The following MAPK7 variants were observed in gnomAD, a reference collection of about 807,000 sequenced individuals.
MAPK7 encodes mitogen-activated protein kinase 7, also known as BMK-1.
In MAPK7, 30 loss-of-function variants were observed where a neutral mutation model predicts 56.9. That is an observed-to-expected ratio of 0.53 (90% confidence interval 0.39 to 0.72). MAPK7 has a LOEUF of 0.72. MAPK7 is among the 30% of genes least tolerant of loss of function. The pLI is 0.00. For missense variants in MAPK7, 952 were observed against 1,110.8 expected, an observed-to-expected ratio of 0.86 and a Z score of 2.03; for synonymous variants, 516 against 449.3, an observed-to-expected ratio of 1.15 and a Z score of -1.88.
upstream of MAPK7, chr17:19,377,820 G>A (rs539491187): frequency 2.6e-4 from 258 of 984,772 alleles, 2 homozygotes; most frequent in African/African-American, 4.3e-3. Context: ...CCCAAAGCAC[G>A]GGAATCGCGG....
In MAPK7 at chr17:19,379,605, G is replaced by A. The variant is rs974354387; in HGVS notation, c.233-177G>A. On this transcript the variant is annotated intron_variant, in intron 2 of 6. Transcript: ENST00000395604. ...ACCTGCCCCGCAGGGGAGTTGTGAA[G>A]GTAACATTTAATAATGTAGGTAACA... is the stretch of plus-strand genomic sequence containing the variant. The A allele has an allele frequency of 1.8e-5, 11 of 615,614 alleles. No homozygotes were observed. In the East Asian group the frequency reaches 1.9e-4, roughly 11 times the overall value. The allele number at this position is 615,614 out of a possible 1,614,324, so 38.1% of individuals were successfully genotyped here.
intron 3 of MAPK7, 55 bp downstream of exon 3, chr17:19,380,002 A>G (rs190988800): frequency 2.2e-5 from 35 of 1,563,744 alleles, no homozygotes; most frequent in African/African-American, 9.5e-5. Flanking sequence ...GAAGGCTGCA[A>G]CCATGTTGCC....
chr17:19,377,947 C>T (rs8078382), upstream of MAPK7: 17,002 of 985,226 alleles, frequency 0.017, 2,241 homozygotes, highest in African/African-American at 0.27. Flanking sequence ...AGGGTTCGGC[C>T]GGACGCTCTA....
Position 19,382,130 on chromosome 17 carries a change from T to C in MAPK7, c.1827T>C (p.Pro609=). Residue 609 remains proline, a synonymous_variant, in exon 5 of 7, where the codon CCT becomes CCC. Transcript: ENST00000395604. ...AACCTACCAGTCCTCCTCCTGGCCC[T>C]GTAGCCCAGCCCACTGGCCCGCAAC... ...PVQPTSPPPG[P]VAQPTGPQPQ... 6.2e-7 allele frequency: 1 copy of C among 1,611,862 alleles called. No homozygotes were observed. Among genetic ancestry groups the C allele is most frequent in the South Asian group, 1.1e-5 (1 of 91,040 alleles).
At position 19,378,814 on chromosome 17, in the gene MAPK7, C is replaced by T. The variant is rs1912341833; in HGVS notation, c.-5-82C>T. 2 of 1,348,020 alleles carry T rather than the reference C, an allele frequency of 1.5e-6. No individual in the cohort carries two copies. The highest frequency in any genetic ancestry group is 1.0e-6 in the Non-Finnish European group (1 of 994,588). 83.5% of individuals were successfully genotyped at this position (1,348,020 alleles called of 1,614,324 possible). A position where few individuals can be genotyped will look rare whatever the true frequency, so the allele number is the denominator to read the frequency against. On this transcript the variant is annotated intron_variant, in intron 1 of 6. Transcript: ENST00000395604. The surrounding 1 kb of genome is among the most constrained non-coding windows in gnomAD (Gnocchi z 5.4). ...TGTCGGTTTAGGAAACTGGGAAGTT[C>T]CCTGGTCCTGCTCCCCAGCCCGCAG...
chr17:19,377,887 T>A, upstream of MAPK7: 1 of 985,220 alleles, frequency 1.0e-6, no homozygotes. Flanking sequence ...CGAGCTGCAG[T>A]CCAACTTGGC....
upstream of MAPK7, chr17:19,378,046 C>T: frequency 1.0e-6 from 1 of 985,370 alleles, no homozygotes; most frequent in Non-Finnish European, 1.2e-6. This position sits in a 1 kb window ranked among gnomAD's most constrained non-coding sequence, Gnocchi z 5.4. Context: ...TGGGACCAAG[C>T]AAATGGCGGA....
chr17:19,380,351 C>A, intron 3 of MAPK7: 1 of 886,162 alleles, frequency 1.1e-6, no homozygotes, highest in Non-Finnish European at 1.6e-6. Context: ...ATTGGCCAGC[C>A]CTGGTGTAGT....
Position 19,381,747 on chromosome 17 carries a change from C to A in MAPK7, c.1478-34C>A. 1 of 1,539,852 alleles carries A rather than the reference C, an allele frequency of 6.5e-7. No individual in the cohort carries two copies. The stretch of plus-strand genomic sequence containing the variant: ...ACTTGGACTTGGACAAGGCTTCAGG[C>A]TTTTACCTTCTCCCCTGCCCAACTT... On this transcript the variant is annotated intron_variant, in intron 4 of 6. Transcript: ENST00000395604. This position sits in a 1 kb window ranked among gnomAD's most constrained non-coding sequence, Gnocchi z 4.6.
At position 19,381,781 on chromosome 17, in the gene MAPK7, A is replaced by G; in HGVS notation, c.1478A>G (p.Asp493Gly). 1.3e-6 allele frequency: 2 copies of G among 1,539,450 alleles called. No homozygotes were observed. Among genetic ancestry groups the G allele is most frequent in the Non-Finnish European group, 1.7e-6 (2 of 1,146,250 alleles). ...LLKSLRSRLR[D>G]GPSAPLEAPE... ...TCTCCCCTGCCCAACTTCCCCGCAG[A>G]TGGCCCCAGCGCACCCCTGGAGGCT... is the stretch of plus-strand genomic sequence containing the variant. The change falls in exon 5 of 7, where the codon GAT (aspartate) becomes GGT (glycine). Residue 493 changes from aspartate to glycine, a missense_variant and splice_region_variant. By Grantham distance (94) the Asp-to-Gly change is moderately conservative. Around this residue, in one of 5 missense-constraint regions of MAPK7, gnomAD observed 429 missense variants for 533.0 expected, o/e 0.80. Coordinates refer to ENST00000395604, the MANE Select transcript of MAPK7 (RefSeq NM_002749.4). The surrounding 1 kb of genome is among the most constrained non-coding windows in gnomAD (Gnocchi z 4.6).
chr17:19,379,694 C>T (rs1373942263), intron 2 of MAPK7, 88 bp from the exon 3 acceptor site: 8 of 1,235,428 alleles, frequency 6.5e-6, no homozygotes, highest in South Asian at 1.4e-5. Flanking sequence ...TCATTTGCAT[C>T]CTAGAAGGGA....
In MAPK7 at chr17:19,379,819, C is replaced by T. The variant is rs947064407; in HGVS notation, c.270C>T (p.Phe90=). ...QVAIKKIPNA[F]DVVTNAKRTL... ...CCATCAAGAAGATCCCTAATGCTTT[C>T]GATGTGGTGACCAATGCCAAGCGGA... Residue 90 remains phenylalanine (F), a synonymous_variant, in exon 3 of 7, where the codon TTC becomes TTT. Coordinates refer to ENST00000395604, the MANE Select transcript of MAPK7 (RefSeq NM_002749.4). The T allele has an allele frequency of 6.2e-6, 10 of 1,614,118 alleles. No homozygotes were observed. The highest frequency in any genetic ancestry group is 2.7e-5 in the African/African-American group (2 of 74,952).
rs1449892033 is a variant in MAPK7, at chr17:19,380,614, G to T, written c.405G>T (p.Val135=). Residue 135 remains valine, a synonymous_variant, in exon 4 of 7, where the codon GTG becomes GTT. Transcript: ENST00000395604. ...TCCTTCCTTCCCCTTCCAGCTACGT[G>T]GTCCTGGACCTGATGGAAAGCGACC... ...VPYGEFKSVY[V]VLDLMESDLH... 6.3e-7 allele frequency: 1 copy of T among 1,593,092 alleles called. No individual in the cohort carries two copies. Among genetic ancestry groups the T allele is most frequent in the South Asian group, 1.1e-5 (1 of 89,552 alleles).
In MAPK7 at chr17:19,381,968, C is replaced by G. The variant is rs1912724956; in HGVS notation, c.1665C>G (p.Pro555=). Residue 555 remains proline, a synonymous_variant, in exon 5 of 7, where the codon CCC becomes CCG. Coordinates refer to ENST00000395604, the MANE Select transcript of MAPK7 (RefSeq NM_002749.4). This position sits in a 1 kb window ranked among gnomAD's most constrained non-coding sequence, Gnocchi z 4.6. ...CCTCTGGGGGCCCCTCCACTGACCC[C>G]TTGGCTGGACTAGTGCTCAGTGACA... ...AGASGGPSTD[P]LAGLVLSDND... 11 of 1,551,726 alleles carry G rather than the reference C, an allele frequency of 7.1e-6. No homozygotes were observed. Among genetic ancestry groups the G allele is most frequent in the Non-Finnish European group, 9.6e-6 (11 of 1,147,180 alleles).
In MAPK7 at chr17:19,382,014, C is replaced by T; in HGVS notation, c.1711C>T (p.Arg571Cys). Residue 571 changes from arginine to cysteine, a missense_variant, in exon 5 of 7, where the codon CGC becomes TGC. Transcript: ENST00000395604. ...LSDNDRSLLE[R>C]WTRMARPAAP... is the part of the protein sequence containing the mutation. ...TGACAATGACAGAAGCCTGTTGGAA[C>T]GCTGGACTCGAATGGCCCGGCCCGC... The T allele has an allele frequency of 6.4e-7, 1 of 1,555,718 alleles. No individual in the cohort carries two copies. The highest frequency in any genetic ancestry group is 8.7e-7 in the Non-Finnish European group (1 of 1,149,560).
rs1373131082 is a variant in MAPK7 at position 19,383,128 on chromosome 17, A to C, written c.2348A>C (p.Glu783Ala). The C allele has an allele frequency of 6.2e-7, 1 of 1,613,906 alleles. No individual in the cohort carries two copies. The highest frequency in any genetic ancestry group is 1.3e-5 in the African/African-American group (1 of 74,890). ...GCCTCCCTGCTTGCTGACTGGCTCGAAGGCCATGGCATGAACCCTGCCGAT... is the reference window on the plus strand; with the variant it reads ...GCCTCCCTGCTTGCTGACTGGCTCGCAGGCCATGGCATGAACCCTGCCGAT... ...LSASLLADWLEGHGMNPADIE... is the reference protein window; with the variant it reads ...LSASLLADWLAGHGMNPADIE... The change falls in exon 7 of 7, where the codon GAA becomes GCA. Residue 783 changes from glutamate to alanine, a missense_variant. Glu to Ala is a moderately radical substitution (Grantham distance 107, BLOSUM62 -1). Around this residue, in one of 5 missense-constraint regions of MAPK7, gnomAD observed 73 missense variants for 104.6 expected, o/e 0.70. Coordinates refer to ENST00000395604, the MANE Select transcript of MAPK7 (RefSeq NM_002749.4).
In MAPK7 at chr17:19,382,827, G is replaced by C; in HGVS notation, c.2178G>C (p.Leu726=). The C allele has an allele frequency of 5.0e-6, 8 of 1,614,170 alleles. No individual in the cohort carries two copies. The highest frequency in any genetic ancestry group is 6.8e-6 in the Non-Finnish European group (8 of 1,180,014). Residue 726 remains leucine (L), a synonymous_variant, in exon 6 of 7, where the codon CTG becomes CTC. Coordinates refer to ENST00000395604, the MANE Select transcript of MAPK7 (RefSeq NM_002749.4). ...QLSKSQVEDP[L]PPVFSGTPKG... ...ATTCCCTGCAGGTGGAGGACCCCCT[G>C]CCCCCTGTGTTCTCAGGCACACCAA...
chr17:19,380,139 T>A, intron 3 of MAPK7, 192 bp downstream of exon 3: 1 of 636,928 alleles, frequency 1.6e-6, no homozygotes, highest in South Asian at 2.0e-5. Flanking sequence ...CAGATGATTT[T>A]ACAGTTTTAT....
chr17:19,378,120 G>A (rs550931242), upstream of MAPK7: 5 of 977,438 alleles, frequency 5.1e-6, no homozygotes, highest in South Asian at 2.4e-4. This position sits in a 1 kb window ranked among gnomAD's most constrained non-coding sequence, Gnocchi z 5.4. Flanking sequence ...CCCAGACCTG[G>A]GCATCTCAGG....
Sources: gnomAD v4.1 joint callset for allele counts on GRCh38, gnomAD v4.1.1 for gene constraint, gnomAD v4.1.1 regional missense constraint, Gnocchi (gnomAD v3.1) non-coding constraint, MANE v1.5 for transcripts, NCBI Gene and HGNC (gene_info 2026-07-23, HGNC 2026-07-21) for gene names.